ARAP2: variants seen among roughly 807,000 people sequenced by gnomAD.
ARAP2 encodes ArfGAP with RhoGAP domain, ankyrin repeat and PH domain 2, also known as arf-GAP with Rho-GAP domain, ANK repeat and PH domain-containing protein 2.
Under a neutral mutation model 194.5 loss-of-function variants are expected in ARAP2, and 148 were observed. The ratio of observed to expected loss-of-function variants is 0.76; its 90% confidence interval spans 0.67 to 0.87. The LOEUF (loss-of-function observed/expected upper bound fraction) is 0.87, where lower values mean the gene tolerates loss of function less well. Ranked by LOEUF, ARAP2 falls within the 40% of genes least tolerant of loss-of-function variation. The pLI is 0.00. For missense variants in ARAP2, 2,128 were observed against 1,989.7 expected, an observed-to-expected ratio of 1.07 and a Z score of -1.32; for synonymous variants, 695 against 683.5, an observed-to-expected ratio of 1.02 and a Z score of -0.26.
At chr4:36,158,924 T>C (rs947496983) in intron 14 of ARAP2, 60 bp from the exon 15 acceptor site, 7 of 1,487,882 alleles carry the variant, frequency 4.7e-6, no homozygotes, top group Non-Finnish European at 6.3e-6. Context: ...TTTCCTTTTG[T>C]TTATAATATG....
intron 16 of ARAP2, among the ~76,000 whole-genome samples, chr4:36,148,987 T>C (rs1730301153): frequency 1.3e-5 from 2 of 152,168 alleles, no homozygotes; most frequent in East Asian, 3.9e-4. Context: ...AAGATAAATT[T>C]TCCTTTCATC....
chr4:36,104,107 G>A (rs1266558943), intron 27 of ARAP2, among the ~76,000 whole-genome samples: 1 of 151,866 alleles, frequency 6.6e-6, no homozygotes, highest in African/African-American at 2.4e-5. Flanking sequence ...AGGTACAAGG[G>A]ATGTTATAGG....
chr4:36,209,129 T>A (rs1242298358), intron 6 of ARAP2, among the ~76,000 whole-genome samples: 1 of 152,080 alleles, frequency 6.6e-6, no homozygotes, highest in Admixed American at 6.6e-5. Flanking sequence ...CAAAGTCTGT[T>A]TTTTCTTCCA....
intron 9 of ARAP2, chr4:36,007,147 A>T (rs965383694): frequency 6.6e-6 from 1 of 152,234 alleles, no homozygotes; most frequent in Non-Finnish European, 1.5e-5. Context: ...AACCATGTCA[A>T]AGTAAAATGT....
At chr4:36,083,504 T>C in intron 28 of ARAP2, 54 bp from the exon 29 acceptor site, 1 of 1,267,472 alleles carries the variant, frequency 7.9e-7, no homozygotes, top group South Asian at 1.4e-5. Context: ...TTTCCTTACA[T>C]TTTCTTTGAG....
intron 15 of ARAP2, among the ~76,000 whole-genome samples, chr4:36,156,947 A>G (rs1300936554): frequency 6.6e-6 from 1 of 152,234 alleles, no homozygotes; most frequent in Non-Finnish European, 1.5e-5. Context: ...CATTGTTAAT[A>G]TATTCAAAAA....
chr4:36,156,435 G>T (rs1435820499), intron 15 of ARAP2, among the ~76,000 whole-genome samples: 1 of 55,558 alleles, frequency 1.8e-5, no homozygotes, highest in Non-Finnish European at 3.2e-5. Context: ...AAGAAAGAAA[G>T]AAAGAAAGAG....
Position 36,175,946 on chromosome 4 carries a change from T to C in ARAP2, c.1857+1881A>G, listed in dbSNP as rs190546703. On this transcript the variant is annotated intron_variant, in intron 9 of 32. Transcript: ENST00000303965. ...TCTTGGAAGACAAGACTTGTGTCCTTCTCAGTAAACCCATCATTTTTAGTG... is the reference window on the plus strand; with the variant it reads ...TCTTGGAAGACAAGACTTGTGTCCTCCTCAGTAAACCCATCATTTTTAGTG... Among the ~76,000 whole-genome samples, 391 of 152,284 alleles carry C rather than the reference T, an allele frequency of 2.6e-3. 1 individual carries two copies. Among genetic ancestry groups the C allele is most frequent in the Non-Finnish European group, 4.4e-3 (297 of 68,022 alleles).
intron 15 of ARAP2, chr4:36,157,457 C>T (rs1308124428): frequency 4.6e-5 from 7 of 151,568 alleles, no homozygotes; most frequent in Admixed American, 6.6e-5. Context: ...AACCAATTGT[C>T]GAAAGAACCA....
intron 1 of ARAP2, among the ~76,000 whole-genome samples, chr4:36,231,525 C>A (rs572332210): frequency 6.6e-6 from 1 of 152,186 alleles, no homozygotes; most frequent in Non-Finnish European, 1.5e-5. Flanking sequence ...AATAAGTGGA[C>A]ATAATGTATT....
rs114391071 is a variant in ARAP2, at chr4:36,147,197, T to A, written c.3263+99A>T. On this transcript the variant is annotated intron_variant, in intron 19 of 32. Coordinates refer to ENST00000303965, the MANE Select transcript of ARAP2 (RefSeq NM_015230.4). ...ATATGATTCAGAAAATTTCAACAGG[T>A]TTTAAAATATTGTTTTCTCCCTCAA... 4.3e-5 allele frequency: 46 copies of A among 1,071,772 alleles called. No individual in the cohort carries two copies. The African/African-American group carries it at 7.0e-4, about 16-fold the overall frequency. 66.4% of individuals were successfully genotyped at this position (1,071,772 alleles called of 1,614,324 possible). A position where few individuals can be genotyped will look rare whatever the true frequency, so the allele number is the denominator to read the frequency against.
At chr4:36,230,321 TAAC>T (rs2109343454) in intron 1 of ARAP2, among the ~76,000 whole-genome samples, 1 of 152,362 alleles carries the variant, frequency 6.6e-6, no homozygotes, top group South Asian at 2.1e-4. Context: ...TAGTTGAATA[TAAC>T]AACTTTCCCT....
chr4:36,130,575 T>A (rs1209188187), intron 20 of ARAP2, among the ~76,000 whole-genome samples: 1 of 151,884 alleles, frequency 6.6e-6, no homozygotes, highest in Non-Finnish European at 1.5e-5. Context: ...CTTCTCTGGG[T>A]AAAATTTACC....
intron 7 of ARAP2, among the ~76,000 whole-genome samples, chr4:36,192,986 A>G (rs1273357501): frequency 1.3e-5 from 2 of 152,098 alleles, no homozygotes; most frequent in African/African-American, 4.8e-5. Flanking sequence ...ACAGAGCAAG[A>G]CTCTGTCTCC....
At chr4:36,114,100 A>C in intron 26 of ARAP2, 70 bp downstream of exon 26, 2 of 1,062,816 alleles carry the variant, frequency 1.9e-6, no homozygotes, top group Non-Finnish European at 2.8e-6. Context: ...AATGTTTATA[A>C]AGTCTTGTCT....
At chr4:36,091,689 GC>G (rs1560410453) in intron 28 of ARAP2, among the ~76,000 whole-genome samples, 191 bp downstream of exon 28, 1 of 152,050 alleles carries the variant, frequency 6.6e-6, no homozygotes, top group Non-Finnish European at 1.5e-5. Context: ...GCCTAAAAAG[GC>G]CTTATAAAAT....
chr4:36,237,210 A>C (rs1752612153), intron 1 of ARAP2, among the ~76,000 whole-genome samples: 1 of 152,260 alleles, frequency 6.6e-6, no homozygotes, highest in African/African-American at 2.4e-5. Context: ...ATAAGGCAAC[A>C]ATATGAAGCC....
intron 2 of ARAP2, among the ~76,000 whole-genome samples, chr4:36,225,889 AATCAAT>A (rs1750192610): frequency 6.6e-6 from 1 of 152,198 alleles, no homozygotes; most frequent in East Asian, 1.9e-4. Context: ...ATCAATGACC[AATCAAT>A]ATCAATATCA....
At chr4:36,120,174 A>T (rs1226706727) in intron 23 of ARAP2, among the ~76,000 whole-genome samples, 2 of 151,534 alleles carry the variant, frequency 1.3e-5, no homozygotes, top group Non-Finnish European at 1.5e-5. Context: ...GCCACACATC[A>T]TATTTTTCTA....
Sources: allele counts gnomAD v4.1 joint callset (sites outside exome capture counted in the v4.1 genomes callset), GRCh38; gene constraint gnomAD v4.1.1; transcripts MANE v1.5; gene names NCBI Gene and HGNC (gene_info 2026-07-23, HGNC 2026-07-21).